The following ARHGAP24 variants were observed in gnomAD, a reference collection of about 807,000 sequenced individuals.
The protein encoded by ARHGAP24 is Rho GTPase activating protein 24, also known as rho GTPase-activating protein 24.
Under a neutral mutation model 76.4 loss-of-function variants are expected in ARHGAP24, and 50 were observed. That is an observed-to-expected ratio of 0.65 (90% CI 0.52 to 0.83). The LOEUF (loss-of-function observed/expected upper bound fraction) is 0.83. Among genes scored for constraint, ARHGAP24 ranks in the 40% least tolerant of loss-of-function variants. ARHGAP24 has a pLI of 0.00. For synonymous variants in ARHGAP24, 345 were observed against 323.3 expected, an observed-to-expected ratio of 1.07 and a Z score of -0.72; for missense variants, 930 against 914.2, an observed-to-expected ratio of 1.02 and a Z score of -0.22.
At chr4:85,664,860 G>T (rs1722548920) in intron 2 of ARHGAP24, among the ~76,000 whole-genome samples, 1 of 152,120 alleles carries the variant, frequency 6.6e-6, no homozygotes, top group Non-Finnish European at 1.5e-5. Flanking sequence ...TAGTTTGATT[G>T]CACTGTGGTC....
At chr4:85,877,166 G>C (rs1578333884) in intron 3 of ARHGAP24, among the ~76,000 whole-genome samples, 1 of 151,962 alleles carries the variant, frequency 6.6e-6, no homozygotes, top group South Asian at 2.1e-4. Flanking sequence ...AATGTTTTTA[G>C]TCTTTTGTAT....
chr4:85,607,340 A>C (rs1210374915), intron 2 of ARHGAP24, among the ~76,000 whole-genome samples: 1 of 152,044 alleles, frequency 6.6e-6, no homozygotes, highest in Non-Finnish European at 1.5e-5. Flanking sequence ...AGGATCGTCA[A>C]AAAGAAAGAA....
chr4:85,821,532 T>A (rs1350163576), intron 3 of ARHGAP24, among the ~76,000 whole-genome samples: 1 of 152,184 alleles, frequency 6.6e-6, no homozygotes, highest in Admixed American at 6.5e-5. Flanking sequence ...CATGGCATCA[T>A]GCCTGTTTAA....
chr4:85,862,449 T>G (rs149376860), intron 3 of ARHGAP24, among the ~76,000 whole-genome samples: 1 of 152,218 alleles, frequency 6.6e-6, no homozygotes, highest in East Asian at 1.9e-4. Flanking sequence ...GACTCGGTTA[T>G]TGTTACAGGC....
intron 2 of ARHGAP24, among the ~76,000 whole-genome samples, chr4:85,574,946 T>A (rs1727311279): frequency 6.6e-6 from 1 of 152,264 alleles, no homozygotes; most frequent in South Asian, 2.1e-4. Context: ...TCTTGTATTT[T>A]CTTTTTGAGC....
At chr4:85,689,545 C>T (rs1248039790) in intron 2 of ARHGAP24, among the ~76,000 whole-genome samples, 1 of 152,044 alleles carries the variant, frequency 6.6e-6, no homozygotes, top group Non-Finnish European at 1.5e-5. Flanking sequence ...CACCACCACA[C>T]CTGGCTACTT....
At chr4:85,722,398 A>C (rs1178319244) in intron 3 of ARHGAP24, 1 of 202,916 alleles carries the variant, frequency 4.9e-6, no homozygotes, top group African/African-American at 2.4e-5. Context: ...AAAAAAAAAC[A>C]AAAAACAAAC....
chr4:85,915,162 C>T (rs1339650884), intron 3 of ARHGAP24, among the ~76,000 whole-genome samples: 1 of 152,108 alleles, frequency 6.6e-6, no homozygotes, highest in African/African-American at 2.4e-5. Context: ...GTTAACTTCC[C>T]AGTGTAATCT....
chr4:85,660,752 C>T (rs976066637), intron 2 of ARHGAP24, among the ~76,000 whole-genome samples: 8 of 132,756 alleles, frequency 6.0e-5, no homozygotes, highest in African/African-American at 1.5e-4. Context: ...GCTGAGATCG[C>T]GCCACAGCAC....
chr4:85,832,680 G>A (rs1462185452), intron 3 of ARHGAP24, among the ~76,000 whole-genome samples: 1 of 152,104 alleles, frequency 6.6e-6, no homozygotes. Context: ...AGAAGTAGTA[G>A]GTACCGGTAC....
At chr4:85,581,079 A>G (rs905831596) in intron 2 of ARHGAP24, among the ~76,000 whole-genome samples, 1 of 152,144 alleles carries the variant, frequency 6.6e-6, no homozygotes, top group African/African-American at 2.4e-5. Flanking sequence ...AATTGTAAAA[A>G]TCCTTCCTGT....
intron 3 of ARHGAP24, among the ~76,000 whole-genome samples, chr4:85,904,961 C>T (rs1390596919): frequency 6.6e-6 from 1 of 152,094 alleles, no homozygotes; most frequent in Non-Finnish European, 1.5e-5. Flanking sequence ...ATTACAAATG[C>T]GATTGTTGCC....
chr4:85,512,716 G>GT (rs549984210), intron 1 of ARHGAP24, among the ~76,000 whole-genome samples: 18 of 152,126 alleles, frequency 1.2e-4, no homozygotes, highest in Admixed American at 1.1e-3. Flanking sequence ...TCACAAAAAT[G>GT]TTTTTTAAGC....
At chr4:85,685,021 C>T (rs546706665) in intron 2 of ARHGAP24, among the ~76,000 whole-genome samples, 3 of 152,288 alleles carry the variant, frequency 2.0e-5, no homozygotes, top group South Asian at 4.1e-4. Flanking sequence ...TCTGGAGAAA[C>T]TAGGAATAAG....
intron 3 of ARHGAP24, among the ~76,000 whole-genome samples, chr4:85,876,412 T>C (rs1732940349): frequency 6.6e-6 from 1 of 152,160 alleles, no homozygotes. Context: ...TAAAATTGAA[T>C]GCTATAACCC....
At chr4:85,611,367 C>T (rs1421486261) in intron 2 of ARHGAP24, among the ~76,000 whole-genome samples, 1 of 152,054 alleles carries the variant, frequency 6.6e-6, no homozygotes, top group East Asian at 1.9e-4. Context: ...CATGGAACAC[C>T]TTTGTCATAG....
At chr4:85,959,526 T>C (rs1039231731) in intron 5 of ARHGAP24, among the ~76,000 whole-genome samples, 7 of 152,204 alleles carry the variant, frequency 4.6e-5, no homozygotes, top group Non-Finnish European at 8.8e-5. Flanking sequence ...TCATAACATA[T>C]ATCAGTAGTT....
intron 3 of ARHGAP24, among the ~76,000 whole-genome samples, chr4:85,820,331 G>A (rs1038030397): frequency 6.6e-6 from 1 of 152,174 alleles, no homozygotes; most frequent in Non-Finnish European, 1.5e-5. Flanking sequence ...CACATCCTTT[G>A]CAGCAACACA....
intron 4 of ARHGAP24, among the ~76,000 whole-genome samples, chr4:85,939,953 T>A (rs1411212824): frequency 1.3e-5 from 2 of 152,042 alleles, no homozygotes; most frequent in Non-Finnish European, 2.9e-5. Context: ...TGTCAACATA[T>A]TATTTTCTTA....
Sources: gnomAD v4.1 joint callset for allele counts (sites outside exome capture counted in the v4.1 genomes callset) on GRCh38, gnomAD v4.1.1 for gene constraint, MANE v1.5 for transcripts, NCBI Gene and HGNC (gene_info 2026-07-23, HGNC 2026-07-21) for gene names.